TAB2: variants seen among roughly 807,000 people sequenced by gnomAD.
The protein encoded by TAB2 is TGF-beta activated kinase 1 (MAP3K7) binding protein 2.
A neutral mutation model predicts 65.0 loss-of-function variants in TAB2; 3 were observed. The observed-to-expected ratio is 0.05, with a 90% CI of 0.02 to 0.12. The LOEUF (loss-of-function observed/expected upper bound fraction) is 0.12, where lower values mean the gene tolerates loss of function less well. Among genes scored for constraint, TAB2 ranks in the 10% least tolerant of loss-of-function variants. The pLI is 1.00. For missense variants in TAB2, 623 were observed against 840.3 expected (o/e 0.74, Z 3.20); for synonymous variants, 298 against 285.1 (o/e 1.05, Z -0.46).
At chr6:149,385,235 A>G (rs1291896880) in intron 3 of TAB2, among the ~76,000 whole-genome samples, 1 of 152,248 alleles carries the variant, frequency 6.6e-6, no homozygotes, top group Non-Finnish European at 1.5e-5. Context: ...CACAAATTCA[A>G]TGAGCAAGAT....
At chr6:149,263,500 A>G (rs1227105025) in intron 1 of TAB2, among the ~76,000 whole-genome samples, 1 of 152,192 alleles carries the variant, frequency 6.6e-6, no homozygotes, top group Non-Finnish European at 1.5e-5. Context: ...GTAATTTATG[A>G]TATGAAAAAT....
chr6:149,398,283 A>G (rs1368056730), intron 5 of TAB2, among the ~76,000 whole-genome samples: 1 of 152,262 alleles, frequency 6.6e-6, no homozygotes. Flanking sequence ...AGGTTTATAC[A>G]TTCTTTAGAC....
chr6:149,275,106 AT>A (rs911185060), intron 1 of TAB2, among the ~76,000 whole-genome samples: 4 of 132,402 alleles, frequency 3.0e-5, no homozygotes, highest in Non-Finnish European at 6.4e-5. Context: ...CATTTCCCTA[AT>A]TTTTTTTCTC....
intron 1 of TAB2, among the ~76,000 whole-genome samples, chr6:149,299,748 C>A (rs895692325): frequency 2.0e-5 from 3 of 152,168 alleles, no homozygotes; most frequent in African/African-American, 7.2e-5. Flanking sequence ...GCAGGGCTCA[C>A]ACCTGTAATC....
At chr6:149,332,962 A>G (rs2114757563) in intron 1 of TAB2, among the ~76,000 whole-genome samples, 1 of 152,256 alleles carries the variant, frequency 6.6e-6, no homozygotes. Flanking sequence ...CTTATTGATA[A>G]TTTATATCTT....
intron 1 of TAB2, among the ~76,000 whole-genome samples, chr6:149,351,954 C>T (rs1780507343): frequency 6.6e-6 from 1 of 152,114 alleles, no homozygotes; most frequent in Non-Finnish European, 1.5e-5. Context: ...AGGTAGAATA[C>T]TGGTTCTTTT....
intron 1 of TAB2, among the ~76,000 whole-genome samples, chr6:149,231,612 T>C (rs948289630): frequency 2.6e-5 from 4 of 152,238 alleles, no homozygotes; most frequent in African/African-American, 9.6e-5. Context: ...ACTGCATATG[T>C]ACATATGTAG....
At chr6:149,259,425 C>T (rs540901856) in intron 1 of TAB2, among the ~76,000 whole-genome samples, 3 of 151,996 alleles carry the variant, frequency 2.0e-5, no homozygotes, top group African/African-American at 7.2e-5. Context: ...CAGTTTGAGT[C>T]TCACTGAGAA....
At position 149,379,633 on chromosome 6, in the gene TAB2, C is replaced by T. The variant is rs1781543902; in HGVS notation, c.1603+115C>T. 3 of 941,150 alleles carry T rather than the reference C, an allele frequency of 3.2e-6. No individual in the cohort carries two copies. The South Asian group carries it at 4.0e-5, about 13-fold the overall frequency. The allele number at this position is 941,150 out of a possible 1,614,324, so 58.3% of individuals were successfully genotyped here. On this transcript the variant is annotated intron_variant, in intron 3 of 6. Transcript: ENST00000637181. ...TTATTTCATTGTTTAAATATTGCCCCAAATGATGTTATTGTAACATTTGAG... is the reference window on the plus strand; with the variant it reads ...TTATTTCATTGTTTAAATATTGCCCTAAATGATGTTATTGTAACATTTGAG...
chr6:149,332,919 G>A (rs899056908), intron 1 of TAB2, among the ~76,000 whole-genome samples: 1 of 152,062 alleles, frequency 6.6e-6, no homozygotes, highest in African/African-American at 2.4e-5. Context: ...AGTTTTTTCT[G>A]TTGTAACTGA....
At chr6:149,375,386 G>A (rs1016158698) in intron 2 of TAB2, among the ~76,000 whole-genome samples, 5 of 152,130 alleles carry the variant, frequency 3.3e-5, no homozygotes, top group Non-Finnish European at 7.4e-5. Context: ...AGTAATGTCT[G>A]TAGAGTGTAA....
intron 1 of TAB2, among the ~76,000 whole-genome samples, chr6:149,219,950 C>T (rs895683898): frequency 1.4e-4 from 21 of 152,132 alleles, no homozygotes; most frequent in Non-Finnish European, 4.4e-5. Flanking sequence ...TGACATATAC[C>T]ATTCTGGAAT....
At chr6:149,400,174 G>C in intron 6 of TAB2, 1 of 575,932 alleles carries the variant, frequency 1.7e-6, no homozygotes, top group South Asian at 2.4e-5. Context: ...TGTATGAATG[G>C]ATTTTAAAAA....
At chr6:149,310,603 G>A (rs978842805) in intron 1 of TAB2, among the ~76,000 whole-genome samples, 1 of 151,944 alleles carries the variant, frequency 6.6e-6, no homozygotes, top group African/African-American at 2.4e-5. Flanking sequence ...GATTACCAAT[G>A]AGACTGAAGT....
chr6:149,389,645 C>CAAA (rs370622661), intron 3 of TAB2, among the ~76,000 whole-genome samples: 20 of 86,882 alleles, frequency 2.3e-4, no homozygotes, highest in African/African-American at 7.7e-4. Flanking sequence ...AACTCTGTGT[C>CAAA]AAAAAAAAAA....
At position 149,333,741 on chromosome 6, in the gene TAB2, G is replaced by GTGTGTGTGTGTGTGTGTC. The variant is rs1340808753; in HGVS notation, c.-90+15731_-90+15732insGTGTGTGTGTGTCTGTGT. Among the ~76,000 whole-genome samples, 19 of 151,014 alleles carry GTGTGTGTGTGTGTGTGTC rather than the reference G, an allele frequency of 1.3e-4. No homozygotes were observed. The East Asian group carries it at 3.7e-3, about 29-fold the overall frequency. Reference sequence around the variant, plus strand: ...TGTGTGTGTGTGTGTGTGTGTGTGTGTGTGTCTATGTGTCTGTGTGTACAG... The same window carrying GTGTGTGTGTGTGTGTGTC: ...TGTGTGTGTGTGTGTGTGTGTGTGTGTGTGTGTGTGTGTGTGTCTGTGTCTATGTGTCTGTGTGTACAG... On this transcript the variant is annotated intron_variant, in intron 1 of 6. Coordinates refer to ENST00000637181, the MANE Select transcript of TAB2 (RefSeq NM_001292034.3).
intron 1 of TAB2, among the ~76,000 whole-genome samples, chr6:149,279,212 T>C (rs1583061818): frequency 6.6e-6 from 1 of 152,188 alleles, no homozygotes; most frequent in Admixed American, 6.5e-5. Context: ...GCCTGACCAT[T>C]CTGTGTCATT....
chr6:149,256,036 G>A (rs918559056), intron 1 of TAB2, among the ~76,000 whole-genome samples: 1 of 152,196 alleles, frequency 6.6e-6, no homozygotes, highest in African/African-American at 2.4e-5. Context: ...GCAGGGAAGA[G>A]TTGATTGTAC....
At chr6:149,221,973 G>A (rs1251791082) in intron 1 of TAB2, among the ~76,000 whole-genome samples, 1 of 152,224 alleles carries the variant, frequency 6.6e-6, no homozygotes, top group African/African-American at 2.4e-5. Context: ...ATTTCTGGAA[G>A]AGACTAAGAT....
Sources: allele counts gnomAD v4.1 joint callset (sites outside exome capture counted in the v4.1 genomes callset), GRCh38; gene constraint gnomAD v4.1.1; transcripts MANE v1.5; gene names NCBI Gene and HGNC (gene_info 2026-07-23, HGNC 2026-07-21).